The following ZFAND3 variants were observed in gnomAD, a reference collection of about 807,000 sequenced individuals.
ZFAND3 encodes the protein AN1-type zinc finger protein 3.
Under a neutral mutation model 29.6 loss-of-function variants are expected in ZFAND3, and 10 were observed. The observed-to-expected ratio is 0.34, with a 90% CI of 0.21 to 0.57. The LOEUF is 0.57. Among genes scored for constraint, ZFAND3 ranks in the 20% least tolerant of loss-of-function variants. The pLI, the probability that ZFAND3 is intolerant of heterozygous loss-of-function variation, is 0.86. For synonymous variants in ZFAND3, 128 were observed against 112.6 expected (o/e 1.14, Z -0.87); for missense variants, 230 against 304.5 (o/e 0.76, Z 1.82).
intron 2 of ZFAND3, among the ~76,000 whole-genome samples, chr6:38,007,225 A>G (rs1285714530): frequency 2.0e-5 from 3 of 152,176 alleles, no homozygotes; most frequent in Admixed American, 6.5e-5. Context: ...TAACTATAAA[A>G]ATTTCATCAC....
chr6:38,139,982 A>C (rs2127494752), intron 5 of ZFAND3, among the ~76,000 whole-genome samples: 1 of 152,260 alleles, frequency 6.6e-6, no homozygotes, highest in African/African-American at 2.4e-5. Flanking sequence ...TATCCACAAG[A>C]CTCGGTAATT....
intron 2 of ZFAND3, among the ~76,000 whole-genome samples, chr6:37,998,087 G>T (rs1008018504): frequency 6.6e-6 from 1 of 152,222 alleles, no homozygotes; most frequent in Non-Finnish European, 1.5e-5. Context: ...TTCAATAGGT[G>T]AATGGATAAA....
intron 2 of ZFAND3, among the ~76,000 whole-genome samples, chr6:38,023,728 A>C (rs1021276977): frequency 6.6e-6 from 1 of 152,224 alleles, no homozygotes; most frequent in Non-Finnish European, 1.5e-5. Context: ...GAACAATTCA[A>C]GAAGAAGAAA....
At chr6:38,008,544 CT>C (rs1410747536) in intron 2 of ZFAND3, among the ~76,000 whole-genome samples, 1 of 152,138 alleles carries the variant, frequency 6.6e-6, no homozygotes, top group African/African-American at 2.4e-5. Flanking sequence ...TTTGAGTGCT[CT>C]ATTTAAAGCT....
chr6:37,968,441 A>G (rs979066937), intron 2 of ZFAND3, among the ~76,000 whole-genome samples: 1 of 151,416 alleles, frequency 6.6e-6, no homozygotes, highest in African/African-American at 2.4e-5. Context: ...ACCACCTGAC[A>G]GAGGATCAGT....
At chr6:38,003,673 G>GTTTTTT in intron 2 of ZFAND3, 1 of 280,544 alleles carries the variant, frequency 3.6e-6, no homozygotes, top group Non-Finnish European at 7.1e-6. Flanking sequence ...TAATTTTTGT[G>GTTTTTT]TTTTTTTTTT....
At chr6:38,080,690 G>A (rs1014806023) in intron 3 of ZFAND3, among the ~76,000 whole-genome samples, 1 of 152,088 alleles carries the variant, frequency 6.6e-6, no homozygotes, top group African/African-American at 2.4e-5. Flanking sequence ...CCAGAAATAA[G>A]AAGGCTTCAG....
At chr6:37,865,971 C>CT (rs1340791317) in intron 1 of ZFAND3, among the ~76,000 whole-genome samples, 8 of 152,198 alleles carry the variant, frequency 5.3e-5, no homozygotes, top group African/African-American at 1.7e-4. Flanking sequence ...TGCCATATCT[C>CT]TGGTGGCAAC....
At chr6:37,904,109 A>G (rs1765367976) in intron 1 of ZFAND3, among the ~76,000 whole-genome samples, 1 of 152,182 alleles carries the variant, frequency 6.6e-6, no homozygotes, top group Admixed American at 6.5e-5. Flanking sequence ...AGTGGTGCAA[A>G]TGTGCTGCTC....
rs66561715 is a variant in ZFAND3 at position 38,144,184 on chromosome 6, A to ATAT, written c.530-8051_530-8050insTAT. ...CTAGAAAAATGTGATATATATATAT[A>ATAT]ATATATATATATATATATATATATA... On this transcript the variant is annotated intron_variant, in intron 5 of 5. Coordinates refer to ENST00000287218, the MANE Select transcript of ZFAND3 (RefSeq NM_021943.3). Among the ~76,000 whole-genome samples the ATAT allele has an allele frequency of 1.3e-3, 56 of 42,530 alleles. 1 individual carries two copies. The highest frequency in any genetic ancestry group is 4.7e-3 in the African/African-American group (46 of 9,726). 27.9% of individuals were successfully genotyped at this position (42,530 alleles called of 152,430 possible).
intron 4 of ZFAND3, among the ~76,000 whole-genome samples, chr6:38,103,888 C>T (rs1019122889): frequency 1.3e-5 from 2 of 152,158 alleles, no homozygotes; most frequent in Non-Finnish European, 2.9e-5. Flanking sequence ...TATTTTTAAA[C>T]ATCAATGCAT....
chr6:38,103,390 C>T (rs1765134357), intron 4 of ZFAND3, among the ~76,000 whole-genome samples: 7 of 147,966 alleles, frequency 4.7e-5, no homozygotes, highest in African/African-American at 1.8e-4. Context: ...TATATACACA[C>T]ACACATATAT....
At chr6:37,950,850 G>C (rs185894244) in intron 2 of ZFAND3, among the ~76,000 whole-genome samples, 2 of 152,084 alleles carry the variant, frequency 1.3e-5, no homozygotes, top group Non-Finnish European at 2.9e-5. Context: ...TGGTTATTCT[G>C]GCTCTTTTTT....
At chr6:37,903,484 C>A (rs542942516) in intron 1 of ZFAND3, among the ~76,000 whole-genome samples, 1 of 152,188 alleles carries the variant, frequency 6.6e-6, no homozygotes, top group African/African-American at 2.4e-5. Flanking sequence ...ACTGTCAAAG[C>A]GTCTCCTATC....
Position 38,124,409 on chromosome 6 carries a change from G to A in ZFAND3, c.529+7670G>A, listed in dbSNP as rs147391061. Among the ~76,000 whole-genome samples, 573 of 152,328 alleles carry A rather than the reference G, an allele frequency of 3.8e-3. 7 individuals carry two copies. The highest frequency in any genetic ancestry group is 5.1e-3 in the Admixed American group (78 of 15,308). ...GCTCCTAGGGGAGGCTCGGGGCTGC[G>A]CAGGAGCCCACAGCGGGGGGCCAGG... On this transcript the variant is annotated intron_variant, in intron 5 of 5. Coordinates refer to ENST00000287218, the MANE Select transcript of ZFAND3 (RefSeq NM_021943.3).
At chr6:38,143,620 G>A (rs971865091) in intron 5 of ZFAND3, among the ~76,000 whole-genome samples, 5 of 152,370 alleles carry the variant, frequency 3.3e-5, no homozygotes, top group South Asian at 4.1e-4. Flanking sequence ...GAGGAGGAGT[G>A]TGGGCTTTTC....
At chr6:38,084,095 A>T (rs1437099291) in intron 4 of ZFAND3, among the ~76,000 whole-genome samples, 1 of 152,180 alleles carries the variant, frequency 6.6e-6, no homozygotes, top group Non-Finnish European at 1.5e-5. Flanking sequence ...TTGGACACGG[A>T]TCTTTAAGAC....
chr6:37,939,471 A>G (rs1374341285), intron 2 of ZFAND3, among the ~76,000 whole-genome samples: 2 of 152,062 alleles, frequency 1.3e-5, no homozygotes, highest in Non-Finnish European at 2.9e-5. Flanking sequence ...ACTTAATTAC[A>G]TCTGCAGAAG....
At chr6:37,985,527 A>ACACACACACACC (rs753070737) in intron 2 of ZFAND3, among the ~76,000 whole-genome samples, 1,677 of 141,706 alleles carry the variant, frequency 0.012, 21 homozygotes, top group Middle Eastern at 0.024. Flanking sequence ...ACACACACAC[A>ACACACACACACC]CCCCCACACA....
Sources: gnomAD v4.1 joint callset for allele counts (sites outside exome capture counted in the v4.1 genomes callset) on GRCh38, gnomAD v4.1.1 for gene constraint, MANE v1.5 for transcripts, NCBI Gene and HGNC (gene_info 2026-07-23, HGNC 2026-07-21) for gene names.